Variants in ARSG observed in about 807,000 individuals in gnomAD.
The protein encoded by ARSG is arylsulfatase G.
A neutral mutation model predicts 50.5 loss-of-function variants in ARSG; 37 were observed. That is an observed-to-expected ratio of 0.73 (90% CI 0.56 to 0.96). The LOEUF (loss-of-function observed/expected upper bound fraction) is 0.96, where lower values mean the gene tolerates loss of function less well. Ranked by LOEUF, ARSG falls within the 50% of genes least tolerant of loss-of-function variation. ARSG has a pLI of 0.00. For synonymous variants in ARSG, 225 were observed against 254.6 expected, an observed-to-expected ratio of 0.88 and a Z score of 1.11; for missense variants, 629 against 675.3, an observed-to-expected ratio of 0.93 and a Z score of 0.76.
At chr17:68,336,105 G>C (rs936736878) in intron 2 of ARSG, among the ~76,000 whole-genome samples, 3 of 151,424 alleles carry the variant, frequency 2.0e-5, no homozygotes, top group African/African-American at 7.3e-5. Context: ...CACTACGTTG[G>C]CCAGGATGGT....
the ARSG span, among the ~76,000 whole-genome samples, chr17:68,439,103 C>A: frequency 2.0e-5 from 3 of 152,062 alleles, no homozygotes; most frequent in African/African-American, 7.3e-5. Context: ...ACATAAAGTT[C>A]TCATATGACC....
At chr17:68,307,899 A>G (rs532015713) in intron 2 of ARSG, among the ~76,000 whole-genome samples, 188 bp downstream of exon 2, 7 of 151,780 alleles carry the variant, frequency 4.6e-5, no homozygotes, top group South Asian at 2.1e-4. Context: ...GCACCCATCC[A>G]TCTATCTAGT....
At chr17:68,389,698 G>A (rs549499757) in intron 9 of ARSG, among the ~76,000 whole-genome samples, 2 of 152,068 alleles carry the variant, frequency 1.3e-5, no homozygotes, top group Admixed American at 1.3e-4. Context: ...AGGTCCAAGC[G>A]CCTCCAATCC....
rs1314468746 is a variant in ARSG at position 68,307,656 on chromosome 17, T to G, written c.163T>G (p.Trp55Gly). The G allele has an allele frequency of 6.2e-7, 1 of 1,612,476 alleles. No individual in the cohort carries two copies. Among genetic ancestry groups the G allele is most frequent in the African/African-American group, 1.3e-5 (1 of 74,998 alleles). ...GGGGTGGGGTGACCTGGGAGCAAAC[T>G]GGGCAGAAACAAAGGACACTGCCAA... ...DMGWGDLGAN[W>G]AETKDTANLD... is the part of the protein sequence containing the mutation. Residue 55 changes from tryptophan to glycine, a missense_variant, in exon 2 of 12, where the codon TGG becomes GGG. Coordinates refer to ENST00000621439, the MANE Select transcript of ARSG (RefSeq NM_001267727.2).
At chr17:68,347,546 C>G (rs985420653) in intron 4 of ARSG, among the ~76,000 whole-genome samples, 1 of 152,206 alleles carries the variant, frequency 6.6e-6, no homozygotes, top group African/African-American at 2.4e-5. Context: ...AGCAGGAAAC[C>G]TGGCCATAGA....
chr17:68,422,463 G>C (rs890481944), downstream of ARSG: 7 of 151,330 alleles, frequency 4.6e-5, no homozygotes, highest in African/African-American at 1.5e-4. Context: ...TGGGCGCAGT[G>C]GCTCACACCT....
At chr17:68,366,530 G>T (rs540925801) in intron 6 of ARSG, among the ~76,000 whole-genome samples, 1 of 152,308 alleles carries the variant, frequency 6.6e-6, no homozygotes, top group Non-Finnish European at 1.5e-5. Context: ...GACCATCCCT[G>T]GGAGAGTTGG....
intron 2 of ARSG, among the ~76,000 whole-genome samples, chr17:68,311,127 G>T (rs1447631037): frequency 6.6e-6 from 1 of 152,180 alleles, no homozygotes; most frequent in Non-Finnish European, 1.5e-5. Flanking sequence ...CTGCACTCCA[G>T]CCCGGGCAAC....
intron 3 of ARSG, among the ~76,000 whole-genome samples, chr17:68,346,500 C>T (rs1298488127): frequency 1.3e-5 from 2 of 152,200 alleles, no homozygotes; most frequent in Non-Finnish European, 1.5e-5. Context: ...GTCTACTCCT[C>T]AGAGCGGAAG....
rs375797981 is a variant in ARSG, at chr17:68,322,892, G to A, written c.218+15181G>A. Among the ~76,000 whole-genome samples, 5 of 152,288 alleles carry A rather than the reference G, an allele frequency of 3.3e-5. No homozygotes were observed. In the East Asian group the frequency reaches 9.7e-4, roughly 29 times the overall value. On this transcript the variant is annotated intron_variant, in intron 2 of 11. Coordinates refer to ENST00000621439, the MANE Select transcript of ARSG (RefSeq NM_001267727.2). ...AAGTCCAACATCAGGGTACTAGCAT[G>A]GTCAGGTTTTGGTGAGGGCTCTTTC...
At chr17:68,398,196 ATG>A (rs1231367109) in intron 10 of ARSG, among the ~76,000 whole-genome samples, 7 of 152,222 alleles carry the variant, frequency 4.6e-5, no homozygotes, top group Admixed American at 6.5e-5. Context: ...TCGCATATGC[ATG>A]TGTCTATATA....
chr17:68,298,636 A>G (rs530441007), intron 1 of ARSG, among the ~76,000 whole-genome samples: 1 of 150,962 alleles, frequency 6.6e-6, no homozygotes, highest in South Asian at 2.1e-4. Context: ...ACTACTGTAG[A>G]CTAACAACAG....
At chr17:68,351,756 C>T in intron 5 of ARSG, 70 bp downstream of exon 5, 1 of 1,014,804 alleles carries the variant, frequency 9.9e-7, no homozygotes, top group Admixed American at 1.7e-5. Context: ...GGTCCATCAG[C>T]AATAAATTAA....
At chr17:68,349,123 CCT>C (rs949379940) in intron 4 of ARSG, among the ~76,000 whole-genome samples, 15 of 151,808 alleles carry the variant, frequency 9.9e-5, no homozygotes, top group African/African-American at 3.4e-4. Context: ...ATGGTGAACC[CCT>C]GTCTCTACTA....
chr17:68,334,624 G>T (rs1162584340), intron 2 of ARSG, among the ~76,000 whole-genome samples: 3 of 152,092 alleles, frequency 2.0e-5, no homozygotes, highest in Admixed American at 6.6e-5. Flanking sequence ...GTTGACTAAG[G>T]TCGCCTCGTG....
At chr17:68,433,457 G>A in the ARSG span, 12 of 1,612,106 alleles carry the variant, frequency 7.4e-6, no homozygotes, top group South Asian at 5.5e-5. Context: ...GGTGCCCCGC[G>A]GAGTACTTGC....
chr17:68,380,351 C>T (rs975400982), intron 8 of ARSG, among the ~76,000 whole-genome samples: 3 of 151,996 alleles, frequency 2.0e-5, no homozygotes, highest in Admixed American at 6.6e-5. Flanking sequence ...AAGCGATCAT[C>T]CCACCTCAGC....
intron 2 of ARSG, among the ~76,000 whole-genome samples, chr17:68,331,225 C>G (rs62087157): frequency 3.3e-4 from 9 of 27,466 alleles, no homozygotes; most frequent in East Asian, 1.2e-3. Flanking sequence ...TTCTTTCTTT[C>G]TTTCTTTGTT....
At chr17:68,449,250 A>T in the ARSG span, among the ~76,000 whole-genome samples, 1 of 152,242 alleles carries the variant, frequency 6.6e-6, no homozygotes, top group Non-Finnish European at 1.5e-5. Context: ...CAGTCAGGAA[A>T]CAGATATTTA....
Sources: allele counts gnomAD v4.1 joint callset (sites outside exome capture counted in the v4.1 genomes callset), GRCh38; gene constraint gnomAD v4.1.1; transcripts MANE v1.5; gene names NCBI Gene and HGNC (gene_info 2026-07-23, HGNC 2026-07-21).